Variants in PSTPIP1 observed in about 807,000 individuals in gnomAD.
PSTPIP1 encodes proline-serine-threonine phosphatase interacting protein 1, also known as proline-serine-threonine phosphatase-interacting protein 1.
In PSTPIP1, 66 loss-of-function variants were observed where a neutral mutation model predicts 69.6. The observed-to-expected ratio is 0.95, with a 90% CI of 0.78 to 1.16. The LOEUF is 1.16. Ranked by LOEUF, PSTPIP1 falls within the 50% of genes most tolerant of loss-of-function variation. PSTPIP1 has a pLI of 0.00. For missense variants in PSTPIP1, 603 were observed against 557.4 expected, an observed-to-expected ratio of 1.08 and a Z score of -0.82; for synonymous variants, 266 against 222.7, an observed-to-expected ratio of 1.19 and a Z score of -1.73.
intron 3 of PSTPIP1, among the ~76,000 whole-genome samples, chr15:77,021,165 G>C (rs2076152642): frequency 6.6e-6 from 1 of 152,320 alleles, no homozygotes; most frequent in East Asian, 1.9e-4. Context: ...CTGCCTGAAG[G>C]TACTGCATTT....
rs138719117 is a variant in PSTPIP1 at position 77,003,269 on chromosome 15, C to T, written c.36+7660C>T. On this transcript the variant is annotated intron_variant, in intron 1 of 14. Transcript: ENST00000558012. ...AACTTTGGGTGGAAACCAAGACTGC[C>T]TCTGCTTCCAGCTAGAGAGCATGAT... Among the ~76,000 whole-genome samples, 92 of 152,294 alleles carry T rather than the reference C, an allele frequency of 6.0e-4. 1 individual carries two copies. Among genetic ancestry groups the T allele is most frequent in the Middle Eastern group, 3.4e-3 (1 of 294 alleles).
chr15:77,029,435 G>T (rs2076361218), intron 7 of PSTPIP1, 94 bp from the exon 8 acceptor site: 2 of 1,423,740 alleles, frequency 1.4e-6, no homozygotes, highest in Non-Finnish European at 1.9e-6. Context: ...CCCCCAGGGT[G>T]GCCGGGGAAG....
At chr15:77,018,023 C>A in intron 1 of PSTPIP1, 125 bp from the exon 2 acceptor site, 2 of 937,284 alleles carry the variant, frequency 2.1e-6, no homozygotes, top group Non-Finnish European at 3.2e-6. Flanking sequence ...CAAGAGCTTG[C>A]CCTGAGCAGG....
chr15:77,018,084 C>G, intron 1 of PSTPIP1, 64 bp from the exon 2 acceptor site: 1 of 1,496,620 alleles, frequency 6.7e-7, no homozygotes, highest in Non-Finnish European at 9.1e-7. Context: ...GGAGGGTCCC[C>G]ACAGGGCTGT....
At chr15:77,015,195 T>G (rs2076024828) in intron 1 of PSTPIP1, among the ~76,000 whole-genome samples, 1 of 152,196 alleles carries the variant, frequency 6.6e-6, no homozygotes, top group African/African-American at 2.4e-5. Flanking sequence ...CAAGAGTTAT[T>G]TTTTCAAATC....
rs781781950 is a variant in PSTPIP1, at chr15:77,037,048, C to G, written c.1123C>G (p.Pro375Ala). The change falls in exon 15 of 15, where the codon CCA (proline) becomes GCA (alanine). Residue 375 changes from proline to alanine, a missense_variant. Coordinates refer to ENST00000558012, the MANE Select transcript of PSTPIP1 (RefSeq NM_003978.5). ...GCGCTTTCAATCTCTTGGCCAGAAC[C>G]CAGATGAGCTGGACCTGTCCGCGGG... ...RALYDYTAQN[P>A]DELDLSAGDI... 2.2e-5 allele frequency: 35 copies of G among 1,611,928 alleles called. No individual in the cohort carries two copies. In the Admixed American group the frequency reaches 3.7e-4, roughly 17 times the overall value.
chr15:77,010,682 C>T (rs1413559799), intron 1 of PSTPIP1, among the ~76,000 whole-genome samples: 3 of 152,148 alleles, frequency 2.0e-5, no homozygotes. Context: ...GGGTCTTACT[C>T]TGTCACCCAG....
Position 77,027,297 on chromosome 15 carries a change from C to T in PSTPIP1, c.355-555C>T, listed in dbSNP as rs2076301950. Among the ~76,000 whole-genome samples the T allele has an allele frequency of 6.6e-6, 1 of 152,174 alleles. No individual in the cohort carries two copies. The highest frequency in any genetic ancestry group is 2.4e-5 in the African/African-American group (1 of 41,458). ...CTGGGAGGTGAGGGGAGGCTTTGGC[C>T]CCAGACCTCGGCACAGGGGCCCAGT... On this transcript the variant is annotated intron_variant, in intron 5 of 14. Coordinates refer to ENST00000558012, the MANE Select transcript of PSTPIP1 (RefSeq NM_003978.5). This position sits in a 1 kb window ranked among gnomAD's most constrained non-coding sequence, Gnocchi z 4.3.
chr15:77,034,427 C>T (rs1001544698), intron 12 of PSTPIP1, among the ~76,000 whole-genome samples: 4 of 152,006 alleles, frequency 2.6e-5, no homozygotes, highest in African/African-American at 7.3e-5. Flanking sequence ...CCTTGGCCCT[C>T]GGCGCCTCAT....
intron 1 of PSTPIP1, among the ~76,000 whole-genome samples, chr15:77,016,382 G>A (rs1004132758): frequency 6.6e-6 from 1 of 152,204 alleles, no homozygotes; most frequent in African/African-American, 2.4e-5. Flanking sequence ...GAGGGCAGAG[G>A]CTGAGGGGTG....
upstream of PSTPIP1, chr15:76,994,777 C>T (rs570538447): frequency 1.7e-5 from 22 of 1,289,122 alleles, no homozygotes; most frequent in East Asian, 1.1e-3. Flanking sequence ...GGTCCCAGAG[C>T]AGCCAGGGTT....
intron 3 of PSTPIP1, chr15:77,023,944 G>A (rs1474594992): frequency 6.6e-6 from 1 of 152,280 alleles, no homozygotes; most frequent in African/African-American, 2.4e-5. Context: ...AGCCCCACAA[G>A]GGAAGGTGGG....
Position 77,035,926 on chromosome 15 carries a change from T to A in PSTPIP1, c.1110T>A (p.Tyr370Ter), listed in dbSNP as rs762667938. ...PAQEYRALYD[Y>*]TAQNPDELDL... ...AGGAGTACCGGGCGCTCTACGATTATACAGCGCAGGTGAGGCCTCTATACC... is the reference window on the plus strand; with the variant it reads ...AGGAGTACCGGGCGCTCTACGATTAAACAGCGCAGGTGAGGCCTCTATACC... Residue 370 changes from tyrosine to a stop codon, truncating the protein, a stop_gained, in exon 14 of 15, where the codon TAT becomes TAA. Transcript: ENST00000558012. LOFTEE classifies it high-confidence loss of function. The A allele has an allele frequency of 5.6e-6, 9 of 1,603,640 alleles. No individual in the cohort carries two copies. Among genetic ancestry groups the A allele is most frequent in the Non-Finnish European group, 7.6e-6 (9 of 1,176,960 alleles).
Position 77,006,955 on chromosome 15 carries a change from C to T in PSTPIP1, c.37-11193C>T, listed in dbSNP as rs115531138. 2.3e-3 allele frequency among the ~76,000 whole-genome samples: 344 copies of T among 152,200 alleles called. 2 individuals are homozygous for T. The highest frequency in any genetic ancestry group is 7.9e-3 in the African/African-American group (326 of 41,510). On this transcript the variant is annotated intron_variant, in intron 1 of 14. Coordinates refer to ENST00000558012, the MANE Select transcript of PSTPIP1 (RefSeq NM_003978.5). ...CCCGAGTAGAGCTGCTTTTGTTGTT[C>T]CCTTTTTATAGGTGAGGAGACTGAG...
chr15:77,000,585 A>G (rs1018370700), intron 1 of PSTPIP1, among the ~76,000 whole-genome samples: 2 of 152,156 alleles, frequency 1.3e-5, no homozygotes, highest in African/African-American at 4.8e-5. Flanking sequence ...GAAAAATAGG[A>G]AAAGAAGAAG....
At chr15:77,003,143 T>C (rs914045789) in intron 1 of PSTPIP1, among the ~76,000 whole-genome samples, 1 of 152,172 alleles carries the variant, frequency 6.6e-6, no homozygotes. Flanking sequence ...TGGTGGCTGT[T>C]TCCTCTCATG....
At chr15:77,032,552 G>T in intron 11 of PSTPIP1, 158 bp downstream of exon 11, 1 of 719,704 alleles carries the variant, frequency 1.4e-6, no homozygotes, top group Non-Finnish European at 2.3e-6. Context: ...TGGGTCCCAG[G>T]CCTGCTGCCT....
intron 12 of PSTPIP1, 125 bp from the exon 13 acceptor site, chr15:77,035,382 TA>T (rs1027475946): frequency 9.9e-7 from 1 of 1,005,144 alleles, no homozygotes; most frequent in Admixed American, 2.1e-5. Context: ...GCCTGGAGGC[TA>T]GGGGCAGTCC....
In PSTPIP1 at chr15:77,013,780, C is replaced by T. The variant is rs79704510; in HGVS notation, c.37-4368C>T. On this transcript the variant is annotated intron_variant, in intron 1 of 14. Coordinates refer to ENST00000558012, the MANE Select transcript of PSTPIP1 (RefSeq NM_003978.5). ...TTCTTGGACATAGCAGGTAGGAACT[C>T]GGACCAAAACCCAGGTGTCCCCCTC... 3.7e-3 allele frequency among the ~76,000 whole-genome samples: 570 copies of T among 152,256 alleles called. 9 individuals carry two copies. The East Asian group carries it at 0.054, about 14-fold the overall frequency.
Sources: allele counts gnomAD v4.1 joint callset (sites outside exome capture counted in the v4.1 genomes callset), GRCh38; gene constraint gnomAD v4.1.1; non-coding constraint Gnocchi (gnomAD v3.1); transcripts MANE v1.5; gene names NCBI Gene and HGNC (gene_info 2026-07-23, HGNC 2026-07-21).